EDNRB: variants seen among roughly 807,000 people sequenced by gnomAD.
The protein encoded by EDNRB is Hirschsprung disease 2.
Under a neutral mutation model 46.4 loss-of-function variants are expected in EDNRB, and 18 were observed. The ratio of observed to expected loss-of-function variants is 0.39; its 90% CI spans 0.27 to 0.57. The LOEUF (loss-of-function observed/expected upper bound fraction) is 0.57, where lower values mean the gene tolerates loss of function less well. Among genes scored for constraint, EDNRB ranks in the 20% least tolerant of loss-of-function variants. EDNRB has a pLI of 0.61. For missense variants in EDNRB, 434 were observed against 537.5 expected, an observed-to-expected ratio of 0.81 and a Z score of 1.90; for synonymous variants, 213 against 204.9, an observed-to-expected ratio of 1.04 and a Z score of -0.34.
chr13:77,925,385 C>A (rs1467324840), intron 1 of EDNRB, among the ~76,000 whole-genome samples: 1 of 152,176 alleles, frequency 6.6e-6, no homozygotes, highest in African/African-American at 2.4e-5. Flanking sequence ...GAGGTATTTG[C>A]AGACTCATGA....
chr13:77,966,294 T>G (rs1187153614), intron 1 of EDNRB, among the ~76,000 whole-genome samples: 1 of 152,174 alleles, frequency 6.6e-6, no homozygotes, highest in East Asian at 1.9e-4. Flanking sequence ...TTGGGTGGTG[T>G]TGAAGTGGTA....
chr13:77,899,667 A>G, intron 6 of EDNRB, 192 bp downstream of exon 6: 1 of 541,854 alleles, frequency 1.8e-6, no homozygotes, highest in Non-Finnish European at 3.3e-6. Flanking sequence ...GTGGCTGACT[A>G]GGATTTATAG....
chr13:77,960,501 CA>C (rs1881374385), intron 1 of EDNRB, among the ~76,000 whole-genome samples: 1 of 152,060 alleles, frequency 6.6e-6, no homozygotes, highest in Admixed American at 6.6e-5. Flanking sequence ...GAGATTTTGT[CA>C]CACCAGGCCT....
At chr13:77,929,486 C>T (rs910754517) in intron 1 of EDNRB, among the ~76,000 whole-genome samples, 2 of 152,052 alleles carry the variant, frequency 1.3e-5, no homozygotes, top group African/African-American at 4.8e-5. Context: ...CATAGATTTC[C>T]CCTTCTGTAA....
intron 5 of EDNRB, 57 bp downstream of exon 5, chr13:77,900,464 G>A (rs1956769375): frequency 6.2e-7 from 1 of 1,607,918 alleles, no homozygotes; most frequent in Non-Finnish European, 8.5e-7. Flanking sequence ...AAAGATCGAT[G>A]GAAACACTTC....
Position 77,965,115 on chromosome 13 carries a change from C to T in EDNRB, c.-52+10232G>A, listed in dbSNP as rs534625044. Among the ~76,000 whole-genome samples, 220 of 152,262 alleles carry T rather than the reference C, an allele frequency of 1.4e-3. 1 individual carries two copies. The highest frequency in any genetic ancestry group is 5.1e-3 in the African/African-American group (210 of 41,562). On this transcript the variant is annotated intron_variant, in intron 1 of 7. Coordinates refer to the EDNRB transcript ENST00000646948. ...GCTATGAACCTGTCCTAGAAATGCA[C>T]GTGTTCACATTTACAGAAAGGTTTG... is the stretch of plus-strand genomic sequence containing the variant.
intron 1 of EDNRB, among the ~76,000 whole-genome samples, chr13:77,951,462 T>A (rs11839683): frequency 8.5e-5 from 13 of 152,158 alleles, no homozygotes; most frequent in African/African-American, 2.9e-4. Context: ...GAGCCTTCAA[T>A]GCTTTTTGTT....
In EDNRB at chr13:77,896,747, C is replaced by T; in HGVS notation, c.*1453G>A. 7.3e-7 allele frequency: 1 copy of T among 1,369,828 alleles called. No homozygotes were observed. The highest frequency in any genetic ancestry group is 9.4e-7 in the Non-Finnish European group (1 of 1,065,070). The allele number at this position is 1,369,828 out of a possible 1,614,324, so 84.9% of individuals were successfully genotyped here. A position where few individuals can be genotyped will look rare whatever the true frequency, so the allele number is the denominator to read the frequency against. On this transcript the variant is annotated 3_prime_UTR_variant, in exon 7 of 7. Coordinates refer to ENST00000646607, the MANE Select transcript of EDNRB (RefSeq NM_001122659.3). ...TAGGCTAAGAATGGGAATCTGTCCC[C>T]ATGGGTTTCCTCCAACCCCACCTCA...
chr13:77,945,516 A>G (rs1458123094), intron 1 of EDNRB, among the ~76,000 whole-genome samples: 2 of 152,198 alleles, frequency 1.3e-5, no homozygotes, highest in Non-Finnish European at 2.9e-5. Context: ...AATGGTCACA[A>G]CAAAATCTGG....
chr13:77,947,843 T>C (rs1385764450), intron 1 of EDNRB: 4 of 150,822 alleles, frequency 2.7e-5, no homozygotes, highest in Non-Finnish European at 5.9e-5. Context: ...CTCAACCTCC[T>C]GGCCTCAAGC....
upstream of EDNRB, chr13:77,918,954 G>T: frequency 9.0e-7 from 1 of 1,115,730 alleles, no homozygotes; most frequent in Non-Finnish European, 1.1e-6. The surrounding 1 kb of genome is among the most constrained non-coding windows in gnomAD (Gnocchi z 4.5). Flanking sequence ...GTAACGGGAG[G>T]AATACAGACA....
chr13:77,897,239 C>G lies in EDNRB; in HGVS notation c.*961G>C. 2.0e-6 allele frequency: 2 copies of G among 985,212 alleles called. No individual in the cohort carries two copies. The highest frequency in any genetic ancestry group is 2.4e-6 in the Non-Finnish European group (2 of 829,886). 61.0% of individuals were successfully genotyped at this position (985,212 alleles called of 1,614,324 possible). ...GGGCCTGCCCTCATTTAATCATCTA[C>G]ATGCAGTGTATGTAGGTAAGTATTT... On this transcript the variant is annotated 3_prime_UTR_variant, in exon 7 of 7. Transcript: ENST00000646607.
rs6145134 is a variant in EDNRB at position 77,940,700 on chromosome 13, GGTGTGT to G, written c.-51-22082_-51-22077del. On this transcript the variant is annotated intron_variant, in intron 1 of 7. Transcript: ENST00000646948. ...TCAAAGCCAAGGAAAAGATGAATTG[GGTGTGT>G]GTGTGTGTGTGTGTGTGTGTGTGTG... Among the ~76,000 whole-genome samples, 1,371 of 149,162 alleles carry G rather than the reference GGTGTGT, an allele frequency of 9.2e-3. 17 individuals are homozygous for G. The highest frequency in any genetic ancestry group is 0.027 in the African/African-American group (1,091 of 40,472).
At chr13:77,901,240 C>T (rs1456800673) in intron 3 of EDNRB, 33 bp from the exon 4 acceptor site, 1 of 1,604,210 alleles carries the variant, frequency 6.2e-7, no homozygotes, top group East Asian at 2.3e-5. Context: ...ACGATTAATA[C>T]TCCTCTGTAA....
chr13:77,901,238 T>C (rs750721433), intron 3 of EDNRB, 31 bp from the exon 4 acceptor site: 2 of 1,604,528 alleles, frequency 1.2e-6, no homozygotes, highest in Middle Eastern at 1.7e-4. Context: ...TTACGATTAA[T>C]ACTCCTCTGT....
chr13:77,925,512 A>C (rs1331922567), intron 1 of EDNRB, among the ~76,000 whole-genome samples: 1 of 152,228 alleles, frequency 6.6e-6, no homozygotes, highest in Non-Finnish European at 1.5e-5. Flanking sequence ...CTGTGCCTTC[A>C]GAGGGTGGAA....
intron 1 of EDNRB, among the ~76,000 whole-genome samples, chr13:77,912,904 T>C (rs868509852): frequency 7.9e-5 from 12 of 152,152 alleles, no homozygotes; most frequent in Non-Finnish European, 1.3e-4. Context: ...ATTAGACTCC[T>C]CTCCCAATGA....
At chr13:77,944,761 G>T (rs1273388410) in intron 1 of EDNRB, 2 of 152,122 alleles carry the variant, frequency 1.3e-5, no homozygotes, top group Non-Finnish European at 2.9e-5. Context: ...CATGAATAAA[G>T]CTTCCAAGGC....
upstream of EDNRB, chr13:77,919,646 C>T (rs1027127105): frequency 6.4e-7 from 1 of 1,560,784 alleles, no homozygotes; most frequent in African/African-American, 1.4e-5. Flanking sequence ...CCGCCAGACT[C>T]CTCCCGCGCC....
Sources: gnomAD v4.1 joint callset for allele counts (sites outside exome capture counted in the v4.1 genomes callset) on GRCh38, gnomAD v4.1.1 for gene constraint, Gnocchi (gnomAD v3.1) non-coding constraint, MANE v1.5 for transcripts, NCBI Gene and HGNC (gene_info 2026-07-23, HGNC 2026-07-21) for gene names.